The following FAR2 variants were observed in gnomAD, a reference collection of about 807,000 sequenced individuals.
FAR2 encodes epididymis secretory protein Li 81.
In FAR2, 19 loss-of-function variants were observed where a neutral mutation model predicts 56.0. That is an observed-to-expected ratio of 0.34 (90% CI 0.24 to 0.50). The LOEUF is 0.50. Among genes scored for constraint, FAR2 ranks in the 20% least tolerant of loss-of-function variants. The probability of loss-of-function intolerance (pLI) is 0.98; values close to 1 mark genes in which losing one functional copy is unlikely to be tolerated. For synonymous variants in FAR2, 219 were observed against 218.8 expected (o/e 1.00, Z -0.01); for missense variants, 508 against 642.2 (o/e 0.79, Z 2.26).
At chr12:29,197,756 T>C (rs1221996111) in intron 1 of FAR2, among the ~76,000 whole-genome samples, 4 of 152,218 alleles carry the variant, frequency 2.6e-5, no homozygotes, top group Admixed American at 6.5e-5. Flanking sequence ...ATGTGGAGCA[T>C]TGACTTCTTT....
intron 1 of FAR2, among the ~76,000 whole-genome samples, chr12:29,253,242 T>TAATCTATCTAGATAGATATCG (rs1948248579): frequency 1.4e-5 from 1 of 69,714 alleles, no homozygotes; most frequent in African/African-American, 7.7e-5. Flanking sequence ...GATAGATATC[T>TAATCTATCTAGATAGATATCG]ATATATCGAT....
At chr12:29,155,365 G>A (rs1949717982) in intron 1 of FAR2, among the ~76,000 whole-genome samples, 1 of 152,204 alleles carries the variant, frequency 6.6e-6, no homozygotes, top group African/African-American at 2.4e-5. Flanking sequence ...GGATCCCCAT[G>A]CATTTGCATG....
intron 1 of FAR2, among the ~76,000 whole-genome samples, chr12:29,180,079 A>G (rs937079924): frequency 1.3e-5 from 2 of 152,196 alleles, no homozygotes; most frequent in African/African-American, 4.8e-5. Context: ...AAGGAAAGCT[A>G]AAATCAACCA....
intron 1 of FAR2, among the ~76,000 whole-genome samples, chr12:29,220,163 T>C (rs1947669432): frequency 6.6e-6 from 1 of 152,212 alleles, no homozygotes; most frequent in African/African-American, 2.4e-5. Context: ...GAATTTTTAA[T>C]GGACTCTGGC....
At chr12:29,185,249 G>C (rs890962287) in intron 1 of FAR2, among the ~76,000 whole-genome samples, 1 of 152,088 alleles carries the variant, frequency 6.6e-6, no homozygotes, top group East Asian at 1.9e-4. Flanking sequence ...CACTACCCTA[G>C]TCCCACTGAA....
chr12:29,200,932 C>T (rs901372902), intron 1 of FAR2, among the ~76,000 whole-genome samples: 1 of 152,084 alleles, frequency 6.6e-6, no homozygotes, highest in Admixed American at 6.6e-5. Context: ...AGTCTATAAG[C>T]GGCTCGAACA....
Position 29,224,914 on chromosome 12 carries a change from A to T in FAR2, c.-38-45498A>T, listed in dbSNP as rs1030169861. On this transcript the variant is annotated intron_variant, in intron 1 of 11. Coordinates refer to ENST00000536681, the MANE Select transcript of FAR2 (RefSeq NM_001271783.2). ...CCTTGAGGCAAAGGCATATAAAAAT[A>T]ACATGAATTCACAAGTAGTTAGAGC... 2.0e-5 allele frequency among the ~76,000 whole-genome samples: 3 copies of T among 152,212 alleles called. No homozygotes were observed. The East Asian group carries it at 5.8e-4, about 29-fold the overall frequency.
At chr12:29,279,809 T>C (rs1394081046) in intron 2 of FAR2, among the ~76,000 whole-genome samples, 1 of 152,200 alleles carries the variant, frequency 6.6e-6, no homozygotes. Context: ...ACCTAACCCA[T>C]ATGAGTCTTG....
In FAR2 at chr12:29,321,846, T is replaced by C. The variant is rs774893882; in HGVS notation, c.1179T>C (p.Tyr393=). 13 of 1,613,808 alleles carry C rather than the reference T, an allele frequency of 8.1e-6. No homozygotes were observed. The highest frequency in any genetic ancestry group is 1.3e-5 in the African/African-American group (1 of 74,916). Residue 393 remains tyrosine (Y), a synonymous_variant, in exon 10 of 12, where the codon TAT becomes TAC. Transcript: ENST00000536681. ...RLLRTVSMLE[Y]FINRSWEWST... The stretch of plus-strand genomic sequence containing the variant: ...TAAGAACTGTTTCCATGTTGGAGTA[T>C]TTCATCAACCGGAGTTGGGAATGGA...
chr12:29,242,123 C>T (rs758499156), intron 1 of FAR2, among the ~76,000 whole-genome samples: 2 of 152,152 alleles, frequency 1.3e-5, no homozygotes, highest in African/African-American at 2.4e-5. Context: ...GTGTGACACA[C>T]GACTTCAAGA....
intron 8 of FAR2, among the ~76,000 whole-genome samples, chr12:29,314,426 G>C (rs1949410343): frequency 9.1e-6 from 1 of 110,144 alleles, no homozygotes. Context: ...GTTTCTCCCT[G>C]TAGATCTTTT....
intron 1 of FAR2, among the ~76,000 whole-genome samples, chr12:29,218,881 TTTTATTTA>T (rs58268149): frequency 4.0e-5 from 6 of 151,240 alleles, no homozygotes; most frequent in East Asian, 2.0e-4. Context: ...CGTGTTAGAA[TTTTATTTA>T]TTTATTTATT....
At chr12:29,333,095 A>G in intron 11 of FAR2, 1 of 342,702 alleles carries the variant, frequency 2.9e-6, no homozygotes, top group Non-Finnish European at 5.7e-6. Context: ...TGATTATGCT[A>G]TTTAACCTAG....
chr12:29,264,021 T>A (rs1948469654), intron 1 of FAR2, among the ~76,000 whole-genome samples: 2 of 151,912 alleles, frequency 1.3e-5, no homozygotes, highest in African/African-American at 4.8e-5. Context: ...AAAAGGAAAG[T>A]AGGAAAACTA....
At chr12:29,228,478 G>T (rs1378393509) in intron 1 of FAR2, among the ~76,000 whole-genome samples, 1 of 152,048 alleles carries the variant, frequency 6.6e-6, no homozygotes, top group Non-Finnish European at 1.5e-5. Flanking sequence ...GATTATTTTT[G>T]TAATGATTCA....
chr12:29,162,333 G>T (rs1450920151), intron 1 of FAR2, among the ~76,000 whole-genome samples: 1 of 152,154 alleles, frequency 6.6e-6, no homozygotes, highest in Non-Finnish European at 1.5e-5. Flanking sequence ...TTAGAATTCT[G>T]CATTTCATTT....
intron 2 of FAR2, among the ~76,000 whole-genome samples, chr12:29,285,559 A>AAGGGAGGG (rs1948860326): frequency 6.6e-6 from 1 of 151,642 alleles, no homozygotes. Flanking sequence ...GGGAAGAAGG[A>AAGGGAGGG]AGGGAGGGAA....
chr12:29,319,550 T>C (rs1341990894), intron 9 of FAR2, among the ~76,000 whole-genome samples: 1 of 152,194 alleles, frequency 6.6e-6, no homozygotes, highest in Admixed American at 6.5e-5. Context: ...TGTGAATACA[T>C]ATTTCATATA....
At chr12:29,325,733 TG>T (rs1397228930) in intron 10 of FAR2, among the ~76,000 whole-genome samples, 3 of 152,136 alleles carry the variant, frequency 2.0e-5, no homozygotes, top group African/African-American at 7.2e-5. Flanking sequence ...CCAGAATTTC[TG>T]GGACACATTC....
Sources: allele counts gnomAD v4.1 joint callset (sites outside exome capture counted in the v4.1 genomes callset), GRCh38; gene constraint gnomAD v4.1.1; transcripts MANE v1.5; gene names NCBI Gene and HGNC (gene_info 2026-07-23, HGNC 2026-07-21).